Variants in CYTH1 observed in about 807,000 individuals in gnomAD.
CYTH1 encodes the protein cytohesin 1.
Under a neutral mutation model 61.8 loss-of-function variants are expected in CYTH1, and 18 were observed. The ratio of observed to expected loss-of-function variants is 0.29; its 90% CI spans 0.20 to 0.43. The LOEUF (loss-of-function observed/expected upper bound fraction) is 0.43, where lower values mean the gene tolerates loss of function less well. CYTH1 is among the 20% of genes least tolerant of loss of function. The pLI is 1.00. For synonymous variants in CYTH1, 174 were observed against 184.3 expected (o/e 0.94, Z 0.45); for missense variants, 336 against 510.5 (o/e 0.66, Z 3.29).
chr17:78,684,852 A>T (rs2092800104), intron 11 of CYTH1, among the ~76,000 whole-genome samples: 1 of 152,260 alleles, frequency 6.6e-6, no homozygotes, highest in South Asian at 2.1e-4. Flanking sequence ...TTTCTTTACC[A>T]CAAGAGTTCC....
intron 1 of CYTH1, among the ~76,000 whole-genome samples, chr17:78,711,314 T>TAC (rs71365530): frequency 0.032 from 4,606 of 142,412 alleles, 96 homozygotes; most frequent in Middle Eastern, 0.057. Context: ...TATATATATA[T>TAC]ACACACACAC....
At chr17:78,687,698 A>G (rs887304724) in intron 11 of CYTH1, among the ~76,000 whole-genome samples, 4 of 152,216 alleles carry the variant, frequency 2.6e-5, no homozygotes, top group Non-Finnish European at 5.9e-5. Flanking sequence ...CTGTAATTCC[A>G]GTTTGGCTTT....
intron 11 of CYTH1, among the ~76,000 whole-genome samples, chr17:78,688,537 A>G (rs1451733045): frequency 1.3e-5 from 2 of 152,198 alleles, no homozygotes; most frequent in Non-Finnish European, 2.9e-5. Context: ...AGCCTCTCCT[A>G]AAAGCGCATG....
chr17:78,741,183 C>T lies in CYTH1; in HGVS notation c.23-31451G>A, dbSNP rs1056019776. On this transcript the variant is annotated intron_variant, in intron 1 of 13. Transcript: ENST00000446868. ...ATAAATCCCTTAAATAGATTTTAGC[C>T]TCACCCCCTCCAGCAATAGATTAGG... Among the ~76,000 whole-genome samples the T allele has an allele frequency of 2.3e-4, 35 of 152,034 alleles. 1 individual carries two copies. The highest frequency in any genetic ancestry group is 8.2e-4 in the African/African-American group (34 of 41,372).
At chr17:78,756,554 T>C (rs2093401994) in intron 1 of CYTH1, among the ~76,000 whole-genome samples, 1 of 152,170 alleles carries the variant, frequency 6.6e-6, no homozygotes, top group African/African-American at 2.4e-5. Flanking sequence ...AGTTTGCTAA[T>C]GAGGCTATTT....
At position 78,675,921 on chromosome 17, in the gene CYTH1, G is replaced by A; in HGVS notation, c.*170C>T. On this transcript the variant is annotated 3_prime_UTR_variant, in exon 14 of 14. Coordinates refer to ENST00000446868, the MANE Select transcript of CYTH1 (RefSeq NM_004762.6). ...GGTCCTCTCTTCCCCAGTGATAACT[G>A]CCCACCCTTCTCCCACTTAAAAAAA... 3.2e-6 allele frequency: 5 copies of A among 1,542,056 alleles called. No homozygotes were observed. Among genetic ancestry groups the A allele is most frequent in the Non-Finnish European group, 3.5e-6 (4 of 1,142,812 alleles).
chr17:78,781,822 C>G (rs2093519497), intron 1 of CYTH1, among the ~76,000 whole-genome samples: 1 of 151,852 alleles, frequency 6.6e-6, no homozygotes, highest in Non-Finnish European at 1.5e-5. Flanking sequence ...CCCGGGGACC[C>G]CAGCGACCCC....
chr17:78,715,233 A>G (rs2093170780), intron 1 of CYTH1, among the ~76,000 whole-genome samples: 1 of 152,222 alleles, frequency 6.6e-6, no homozygotes, highest in African/African-American at 2.4e-5. Flanking sequence ...TGTCAGTATA[A>G]GAGCCCGCAC....
chr17:78,752,031 C>G (rs909365200), intron 1 of CYTH1, among the ~76,000 whole-genome samples: 1 of 152,124 alleles, frequency 6.6e-6, no homozygotes, highest in Non-Finnish European at 1.5e-5. Flanking sequence ...CCACCGCGCC[C>G]GGCCTCAAAT....
intron 1 of CYTH1, among the ~76,000 whole-genome samples, chr17:78,756,230 C>G (rs992727404): frequency 6.6e-6 from 1 of 151,874 alleles, no homozygotes. Flanking sequence ...CGCCCACCAC[C>G]ACACCCAGCT....
intron 1 of CYTH1, among the ~76,000 whole-genome samples, chr17:78,736,389 A>C (rs895786867): frequency 6.6e-6 from 1 of 151,750 alleles, no homozygotes; most frequent in Non-Finnish European, 1.5e-5. Context: ...TTACCTTAAT[A>C]TCTCTCTCTC....
At chr17:78,698,179 GCGCA>G in intron 9 of CYTH1, 86 bp downstream of exon 9, 1 of 1,056,868 alleles carries the variant, frequency 9.5e-7, no homozygotes, top group Non-Finnish European at 1.4e-6. Flanking sequence ...ACACGCACAC[GCGCA>G]CACACGCACG....
intron 1 of CYTH1, among the ~76,000 whole-genome samples, chr17:78,761,514 GGATCACGA>G (rs1299174227): frequency 2.0e-5 from 3 of 152,174 alleles, no homozygotes; most frequent in Non-Finnish European, 2.9e-5. Context: ...CGAGGCGGGC[GGATCACGA>G]GATCAGGAGA....
intron 1 of CYTH1, among the ~76,000 whole-genome samples, chr17:78,764,591 C>G (rs1317074176): frequency 6.6e-6 from 1 of 152,112 alleles, no homozygotes; most frequent in African/African-American, 2.4e-5. Context: ...CAGCAAGAAC[C>G]AGGCTTATAT....
chr17:78,781,038 T>A (rs919008332), intron 1 of CYTH1, among the ~76,000 whole-genome samples: 1 of 150,418 alleles, frequency 6.6e-6, no homozygotes, highest in Admixed American at 6.6e-5. Flanking sequence ...AATAAAATAA[T>A]AAAATAAAAT....
At chr17:78,769,476 T>C (rs1338358304) in intron 1 of CYTH1, among the ~76,000 whole-genome samples, 1 of 152,112 alleles carries the variant, frequency 6.6e-6, no homozygotes, top group Non-Finnish European at 1.5e-5. Flanking sequence ...CCAGCTCCTC[T>C]ACAAACTCTC....
chr17:78,778,063 G>C (rs1318704828), intron 1 of CYTH1, among the ~76,000 whole-genome samples: 1 of 152,036 alleles, frequency 6.6e-6, no homozygotes, highest in Non-Finnish European at 1.5e-5. Context: ...AGCACTTTGA[G>C]AGGCTGAAGC....
At chr17:78,760,418 T>C (rs2093419330) in intron 1 of CYTH1, among the ~76,000 whole-genome samples, 2 of 84,992 alleles carry the variant, frequency 2.4e-5, no homozygotes, top group African/African-American at 4.9e-5. Flanking sequence ...TGTATATATA[T>C]ATATATACAC....
intron 3 of CYTH1, among the ~76,000 whole-genome samples, chr17:78,707,082 T>C (rs1313687764): frequency 2.0e-5 from 3 of 152,208 alleles, no homozygotes; most frequent in African/African-American, 7.2e-5. Flanking sequence ...AAGCTACGAG[T>C]GTTTAAAATG....
Sources: gnomAD v4.1 joint callset for allele counts (sites outside exome capture counted in the v4.1 genomes callset) on GRCh38, gnomAD v4.1.1 for gene constraint, MANE v1.5 for transcripts, NCBI Gene and HGNC (gene_info 2026-07-23, HGNC 2026-07-21) for gene names.